TNR: variants seen among roughly 807,000 people sequenced by gnomAD.
The protein encoded by TNR is tenascin-R.
In TNR, 45 loss-of-function variants were observed where a neutral mutation model predicts 150.4. The observed-to-expected ratio is 0.30, with a 90% CI of 0.24 to 0.38. The LOEUF (loss-of-function observed/expected upper bound fraction) is 0.38. Among genes scored for constraint, TNR ranks in the 10% least tolerant of loss-of-function variants. The pLI is 1.00. For missense variants in TNR, 1,544 were observed against 1,759.1 expected, an observed-to-expected ratio of 0.88 and a Z score of 2.19; for synonymous variants, 687 against 678.4, an observed-to-expected ratio of 1.01 and a Z score of -0.20.
At chr1:175,327,054 C>G (rs770913757) in intron 21 of TNR, among the ~76,000 whole-genome samples, 98 of 152,098 alleles carry the variant, frequency 6.4e-4, no homozygotes, top group Non-Finnish European at 1.1e-3. Context: ...TAATCCTACT[C>G]CTTAATGATT....
At chr1:175,427,979 C>G (rs1239604592) in intron 2 of TNR, among the ~76,000 whole-genome samples, 1 of 150,558 alleles carries the variant, frequency 6.6e-6, no homozygotes, top group Non-Finnish European at 1.5e-5. Context: ...AAATGCATTA[C>G]AGCAGAATGG....
At chr1:175,483,553 A>G (rs886986481) in intron 2 of TNR, among the ~76,000 whole-genome samples, 1 of 152,234 alleles carries the variant, frequency 6.6e-6, no homozygotes, top group Non-Finnish European at 1.5e-5. Context: ...TGTAAATACA[A>G]GCCAGAAGGA....
chr1:175,385,094 A>C (rs933870684), intron 8 of TNR, among the ~76,000 whole-genome samples: 1 of 152,198 alleles, frequency 6.6e-6, no homozygotes, highest in African/African-American at 2.4e-5. Context: ...ATCAGTTTTC[A>C]TTGATCCCTG....
intron 1 of TNR, among the ~76,000 whole-genome samples, chr1:175,627,579 G>A (rs1010598349): frequency 5.9e-5 from 9 of 152,024 alleles, no homozygotes; most frequent in South Asian, 2.1e-4. Context: ...TCATCATATC[G>A]GAACATTGTA....
intron 1 of TNR, among the ~76,000 whole-genome samples, chr1:175,709,858 G>C (rs573981615): frequency 2.6e-5 from 4 of 151,832 alleles, no homozygotes; most frequent in Non-Finnish European, 5.9e-5. Flanking sequence ...GTTCAGACAT[G>C]ATCTCCATCC....
chr1:175,539,026 A>C (rs1461418328), intron 1 of TNR: 1 of 152,220 alleles, frequency 6.6e-6, no homozygotes, highest in Non-Finnish European at 1.5e-5. Flanking sequence ...TTGAACTGAT[A>C]TTGTGAGATC....
chr1:175,477,381 C>T (rs1205543026), intron 2 of TNR, among the ~76,000 whole-genome samples: 5 of 152,184 alleles, frequency 3.3e-5, no homozygotes, highest in Non-Finnish European at 7.3e-5. Flanking sequence ...TGAAGAGCTT[C>T]CTTCCTATAA....
intron 9 of TNR, among the ~76,000 whole-genome samples, chr1:175,372,861 G>A (rs1462758728): frequency 2.6e-5 from 4 of 152,190 alleles, no homozygotes; most frequent in Admixed American, 6.5e-5. Context: ...CTGAGGTTAG[G>A]GGTGTGATTG....
chr1:175,407,268 T>C (rs1355051558), intron 2 of TNR, among the ~76,000 whole-genome samples: 1 of 152,208 alleles, frequency 6.6e-6, no homozygotes, highest in East Asian at 1.9e-4. Flanking sequence ...CCATACAAAT[T>C]GTCTTCAGAA....
intron 1 of TNR, among the ~76,000 whole-genome samples, chr1:175,685,772 T>G (rs1416502368): frequency 1.3e-5 from 2 of 152,146 alleles, no homozygotes; most frequent in Non-Finnish European, 2.9e-5. Context: ...CATCTCCCTC[T>G]GCAAAATCCC....
At chr1:175,404,529 G>C (rs1056297245) in intron 3 of TNR, among the ~76,000 whole-genome samples, 4 of 152,174 alleles carry the variant, frequency 2.6e-5, no homozygotes, top group African/African-American at 9.7e-5. Context: ...AAATACAAAT[G>C]GAGTACCTGC....
chr1:175,484,099 G>T (rs896821101), intron 2 of TNR, among the ~76,000 whole-genome samples: 1 of 152,198 alleles, frequency 6.6e-6, no homozygotes, highest in Non-Finnish European at 1.5e-5. Context: ...CACAGAAGGT[G>T]CACAATAAAT....
chr1:175,584,840 C>T (rs1662504398), intron 1 of TNR, among the ~76,000 whole-genome samples: 1 of 152,168 alleles, frequency 6.6e-6, no homozygotes, highest in Admixed American at 6.5e-5. Flanking sequence ...GGAGCTTGTA[C>T]TAATTAGTAT....
At chr1:175,538,438 T>C (rs1379160049) in intron 1 of TNR, among the ~76,000 whole-genome samples, 1 of 152,198 alleles carries the variant, frequency 6.6e-6, no homozygotes, top group African/African-American at 2.4e-5. Context: ...GTGTTGATTG[T>C]GGGTTAATAC....
At chr1:175,553,817 A>AACACACACACACACACAC (rs58714689) in intron 1 of TNR, among the ~76,000 whole-genome samples, 2,497 of 145,400 alleles carry the variant, frequency 0.017, 31 homozygotes, top group Non-Finnish European at 0.027. Flanking sequence ...TACAAGAACA[A>AACACACACACACACACAC]ACACACACAC....
intron 1 of TNR, among the ~76,000 whole-genome samples, chr1:175,680,065 A>G (rs1007236836): frequency 3.9e-5 from 6 of 152,190 alleles, no homozygotes; most frequent in African/African-American, 7.2e-5. Flanking sequence ...GTACACCCCC[A>G]GCTGAAGCCA....
At chr1:175,720,252 C>T (rs1434632504) in intron 1 of TNR, among the ~76,000 whole-genome samples, 1 of 152,208 alleles carries the variant, frequency 6.6e-6, no homozygotes, top group African/African-American at 2.4e-5. Context: ...CACTTGCTCT[C>T]TTGTGCTCTC....
chr1:175,700,470 G>C lies in TNR; in HGVS notation c.-165+42756C>G, dbSNP rs535613463. ...GATCTGGGTGCTGAGATCGTCTTGA[G>C]AGAAGCAGATAGGCAACATGCAGCT... On this transcript the variant is annotated intron_variant, in intron 1 of 22. Transcript: ENST00000367674. Among the ~76,000 whole-genome samples the C allele has an allele frequency of 2.0e-5, 3 of 152,312 alleles. No individual in the cohort carries two copies. The South Asian group carries it at 6.2e-4, about 32-fold the overall frequency.
chr1:175,547,771 C>T (rs1571590850), intron 1 of TNR, among the ~76,000 whole-genome samples: 1 of 152,164 alleles, frequency 6.6e-6, no homozygotes, highest in East Asian at 1.9e-4. Context: ...TGTGACAGTG[C>T]AGAGTGATTC....
Sources: gnomAD v4.1 joint callset for allele counts (sites outside exome capture counted in the v4.1 genomes callset) on GRCh38, gnomAD v4.1.1 for gene constraint, MANE v1.5 for transcripts, NCBI Gene and HGNC (gene_info 2026-07-23, HGNC 2026-07-21) for gene names.